The following CCDC85A variants were observed in gnomAD, a reference collection of about 807,000 sequenced individuals.
CCDC85A encodes coiled-coil domain-containing protein 85A.
CCDC85A carries 38 observed loss-of-function variants against 50.2 expected under a neutral mutation model. The ratio of observed to expected loss-of-function variants is 0.76; its 90% confidence interval spans 0.58 to 0.99. CCDC85A has a LOEUF of 0.99. Ranked by LOEUF, CCDC85A falls within the 50% of genes least tolerant of loss-of-function variation. The probability of loss-of-function intolerance (pLI) is 0.00; values close to 1 mark genes in which losing one functional copy is unlikely to be tolerated. For synonymous variants in CCDC85A, 366 were observed against 301.4 expected (o/e 1.21, Z -2.22); for missense variants, 820 against 742.0 (o/e 1.11, Z -1.22).
chr2:56,224,040 TCAC>T (rs965732359), intron 2 of CCDC85A, among the ~76,000 whole-genome samples: 13 of 152,222 alleles, frequency 8.5e-5, no homozygotes, highest in South Asian at 2.1e-4. Flanking sequence ...TGTACAACTA[TCAC>T]CACAAGTGAC....
chr2:56,210,736 A>G (rs146174778), intron 2 of CCDC85A, among the ~76,000 whole-genome samples: 38 of 152,054 alleles, frequency 2.5e-4, no homozygotes, highest in African/African-American at 8.2e-4. Context: ...GTGCCTCAGG[A>G]TAGTCAGGGC....
chr2:56,291,167 A>T (rs1358740439), intron 2 of CCDC85A, among the ~76,000 whole-genome samples: 5 of 152,228 alleles, frequency 3.3e-5, no homozygotes, highest in Non-Finnish European at 5.9e-5. Context: ...TACACGTAGA[A>T]TAATGAGAGA....
intron 3 of CCDC85A, among the ~76,000 whole-genome samples, chr2:56,360,205 C>G (rs1675454145): frequency 6.6e-6 from 1 of 152,210 alleles, no homozygotes; most frequent in African/African-American, 2.4e-5. Context: ...TGGTCAGTGA[C>G]TAATGTCAAC....
chr2:56,282,540 G>C (rs927882440), intron 2 of CCDC85A, among the ~76,000 whole-genome samples: 1 of 152,156 alleles, frequency 6.6e-6, no homozygotes, highest in African/African-American at 2.4e-5. Context: ...ATGGAGTCTA[G>C]CTGTTGTTGC....
At position 56,193,415 on chromosome 2, in the gene CCDC85A, C is replaced by G; in HGVS notation, c.1215C>G (p.His405Gln). The G allele has an allele frequency of 6.2e-7, 1 of 1,609,186 alleles. No individual in the cohort carries two copies. Among genetic ancestry groups the G allele is most frequent in the Non-Finnish European group, 8.5e-7 (1 of 1,177,864 alleles). Reference sequence around the variant, plus strand: ...CACAGGAGGACGGGTCACCCCATCACCGGAATGTCTACAGTGGCATGAACG... The same window carrying G: ...CACAGGAGGACGGGTCACCCCATCAGCGGAATGTCTACAGTGGCATGAACG... Reference protein sequence around the residue: ...RQAQEDGSPHHRNVYSGMNES... With the variant: ...RQAQEDGSPHQRNVYSGMNES... Residue 405 changes from histidine to glutamine, a missense_variant, in exon 2 of 6, where the codon CAC (histidine) becomes CAG (glutamine). Transcript: ENST00000407595.
intron 2 of CCDC85A, among the ~76,000 whole-genome samples, chr2:56,285,134 C>T (rs1671375765): frequency 6.6e-6 from 1 of 150,642 alleles, no homozygotes; most frequent in Non-Finnish European, 1.5e-5. Flanking sequence ...TGGAGTCTCA[C>T]TCTGTCGCCC....
intron 2 of CCDC85A, among the ~76,000 whole-genome samples, chr2:56,315,836 G>A (rs1449206736): frequency 6.6e-6 from 1 of 152,142 alleles, no homozygotes; most frequent in Non-Finnish European, 1.5e-5. Flanking sequence ...CTGTGTGCTA[G>A]GCAGTGTATT....
intron 2 of CCDC85A, among the ~76,000 whole-genome samples, chr2:56,297,265 A>G (rs1382871411): frequency 6.6e-6 from 1 of 152,142 alleles, no homozygotes; most frequent in Non-Finnish European, 1.5e-5. Context: ...CTGGTATGCT[A>G]AGAGGACTGT....
intron 2 of CCDC85A, among the ~76,000 whole-genome samples, chr2:56,235,533 G>A (rs1366664379): frequency 6.6e-6 from 1 of 152,092 alleles, no homozygotes; most frequent in Non-Finnish European, 1.5e-5. Context: ...ATAAGACACT[G>A]AAAATAGAGA....
At chr2:56,255,776 T>C (rs1669957967) in intron 2 of CCDC85A, among the ~76,000 whole-genome samples, 1 of 152,066 alleles carries the variant, frequency 6.6e-6, no homozygotes, top group South Asian at 2.1e-4. Flanking sequence ...TGTTGTTTTG[T>C]TTTATGAGGG....
At chr2:56,283,499 A>G (rs1558622055) in intron 2 of CCDC85A, among the ~76,000 whole-genome samples, 1 of 152,012 alleles carries the variant, frequency 6.6e-6, no homozygotes, top group South Asian at 2.1e-4. Flanking sequence ...CTGGTTTTGG[A>G]TTTACTATTA....
At chr2:56,301,395 G>A (rs767670293) in intron 2 of CCDC85A, among the ~76,000 whole-genome samples, 5 of 152,086 alleles carry the variant, frequency 3.3e-5, no homozygotes, top group African/African-American at 4.8e-5. Context: ...CCTGGGTGCT[G>A]GTTAAAATGT....
At chr2:56,270,257 A>T (rs890800266) in intron 2 of CCDC85A, among the ~76,000 whole-genome samples, 1 of 152,232 alleles carries the variant, frequency 6.6e-6, no homozygotes, top group Non-Finnish European at 1.5e-5. Context: ...TTAATTTAAA[A>T]AATGTTATTT....
chr2:56,260,705 G>A (rs1369494471), intron 2 of CCDC85A, among the ~76,000 whole-genome samples: 2 of 152,188 alleles, frequency 1.3e-5, no homozygotes, highest in Non-Finnish European at 2.9e-5. Context: ...CTCACTGGCT[G>A]TGGAATGTAT....
At chr2:56,299,045 A>G (rs1672085226) in intron 2 of CCDC85A, among the ~76,000 whole-genome samples, 1 of 152,178 alleles carries the variant, frequency 6.6e-6, no homozygotes, top group Non-Finnish European at 1.5e-5. Flanking sequence ...GGGTTTAGGC[A>G]TACAACAGTG....
chr2:56,335,446 A>G lies in CCDC85A; in HGVS notation c.1241-7433A>G, dbSNP rs181364902. Among the ~76,000 whole-genome samples, 82 of 152,284 alleles carry G rather than the reference A, an allele frequency of 5.4e-4. 2 individuals are homozygous for G. Among genetic ancestry groups the G allele is most frequent in the Middle Eastern group, 3.4e-3 (1 of 294 alleles). On this transcript the variant is annotated intron_variant, in intron 2 of 5. Coordinates refer to ENST00000407595, the MANE Select transcript of CCDC85A (RefSeq NM_001080433.2). Reference sequence around the variant, plus strand: ...GTCCACTTTTTGCTACTATAACAGAATACCACAGACTGGGTGATTTATAGT... The same window carrying G: ...GTCCACTTTTTGCTACTATAACAGAGTACCACAGACTGGGTGATTTATAGT...
chr2:56,343,823 A>C lies in CCDC85A; in HGVS notation c.1317+868A>C, dbSNP rs1038272953. 2.4e-4 allele frequency among the ~76,000 whole-genome samples: 37 copies of C among 152,228 alleles called. 1 individual carries two copies. The highest frequency in any genetic ancestry group is 2.1e-3 in the Admixed American group (32 of 15,282). The stretch of plus-strand genomic sequence containing the variant: ...TCAAACAACTAGTAAGCAGTAGTTT[A>C]AATAAAAGGTCAAAGACTAACCAAT... On this transcript the variant is annotated intron_variant, in intron 3 of 5. Transcript: ENST00000407595.
intron 2 of CCDC85A, among the ~76,000 whole-genome samples, chr2:56,274,818 A>G (rs1670855099): frequency 6.6e-6 from 1 of 152,194 alleles, no homozygotes; most frequent in Non-Finnish European, 1.5e-5. Flanking sequence ...TCACAATTCC[A>G]GAGCCTGGAA....
At chr2:56,324,128 T>C (rs982539294) in intron 2 of CCDC85A, among the ~76,000 whole-genome samples, 3 of 152,140 alleles carry the variant, frequency 2.0e-5, no homozygotes, top group Non-Finnish European at 4.4e-5. Context: ...TCTTGTCCTA[T>C]TCCTGTGTAT....
Sources: gnomAD v4.1 joint callset for allele counts (sites outside exome capture counted in the v4.1 genomes callset) on GRCh38, gnomAD v4.1.1 for gene constraint, MANE v1.5 for transcripts, NCBI Gene and HGNC (gene_info 2026-07-23, HGNC 2026-07-21) for gene names.